PCDHAC1: variants seen among roughly 807,000 people sequenced by gnomAD.
PCDHAC1 encodes protocadherin alpha-C1.
PCDHAC1 carries 42 observed loss-of-function variants against 60.0 expected under a neutral mutation model. That is an observed-to-expected ratio of 0.70 (90% CI 0.55 to 0.90). The LOEUF is 0.90. Among genes scored for constraint, PCDHAC1 ranks in the 40% least tolerant of loss-of-function variants. The pLI is 0.00. For missense variants in PCDHAC1, 1,160 were observed against 1,222.3 expected (o/e 0.95, Z 0.76); for synonymous variants, 468 against 499.3 (o/e 0.94, Z 0.84).
At chr5:140,971,369 T>C (rs1384716266) in intron 1 of PCDHAC1, among the ~76,000 whole-genome samples, 1 of 152,094 alleles carries the variant, frequency 6.6e-6, no homozygotes, top group Non-Finnish European at 1.5e-5. Context: ...GCCAGGAGAG[T>C]GCATGACTTT....
intron 3 of PCDHAC1, among the ~76,000 whole-genome samples, chr5:141,008,339 C>T (rs782805145): frequency 1.1e-4 from 16 of 152,176 alleles, no homozygotes; most frequent in Non-Finnish European, 1.5e-4. Context: ...TTTGATGGAG[C>T]TTTTCACGTG....
At chr5:140,975,543 T>C (rs1276340507) in intron 1 of PCDHAC1, among the ~76,000 whole-genome samples, 2 of 152,206 alleles carry the variant, frequency 1.3e-5, no homozygotes, top group African/African-American at 4.8e-5. Context: ...AATACAGTCC[T>C]ATTAGGAAGG....
chr5:141,007,377 AC>A lies in PCDHAC1; in HGVS notation c.2582-2248del, dbSNP rs1563708435. Among the ~76,000 whole-genome samples, 4 of 136,616 alleles carry A rather than the reference AC, an allele frequency of 2.9e-5. No individual in the cohort carries two copies. The East Asian group carries it at 8.7e-4, about 30-fold the overall frequency. The allele number at this position is 136,616 out of a possible 152,430, so 89.6% of individuals were successfully genotyped here. ...ACCAGCCTGGGCAACATGATGGAAC[AC>A]CATCTCTACTAAAATACAAAAAAAA... On this transcript the variant is annotated intron_variant, in intron 3 of 3. Transcript: ENST00000253807.
intron 1 of PCDHAC1, among the ~76,000 whole-genome samples, chr5:140,978,316 A>AC (rs1370469532): frequency 5.4e-4 from 83 of 152,358 alleles, no homozygotes; most frequent in African/African-American, 1.9e-3. Context: ...AGGAGCAGGA[A>AC]CAAGTACAAG....
At position 140,926,584 on chromosome 5, in the gene PCDHAC1, C is replaced by T; in HGVS notation, c.-309C>T. 3.5e-6 allele frequency: 1 copy of T among 285,400 alleles called. No individual in the cohort carries two copies. The highest frequency in any genetic ancestry group is 6.4e-6 in the Non-Finnish European group (1 of 155,402). 17.7% of individuals were successfully genotyped at this position (285,400 alleles called of 1,614,324 possible). ...CTGCTACTGGAGACAGCACCTCTCG[C>T]GCCCGGGCGGGCGGCCTCGTCTCTG... On this transcript the variant is annotated 5_prime_UTR_variant, in exon 1 of 4. Coordinates refer to ENST00000253807, the MANE Select transcript of PCDHAC1 (RefSeq NM_018898.5).
chr5:140,986,461 C>T (rs1554248079), intron 3 of PCDHAC1, among the ~76,000 whole-genome samples: 1 of 152,154 alleles, frequency 6.6e-6, no homozygotes. Context: ...TTAATGAATG[C>T]CCTCTTGTGA....
intron 1 of PCDHAC1, among the ~76,000 whole-genome samples, chr5:140,955,016 T>C (rs1389069329): frequency 6.6e-6 from 1 of 152,226 alleles, no homozygotes; most frequent in Admixed American, 6.5e-5. Context: ...CCCAGCACCA[T>C]TTATTAAATA....
chr5:140,942,497 G>A (rs189402882), intron 1 of PCDHAC1, among the ~76,000 whole-genome samples: 1 of 152,040 alleles, frequency 6.6e-6, no homozygotes, highest in Admixed American at 6.6e-5. Context: ...TAAATACATG[G>A]TATCTAGGAA....
At chr5:140,931,246 C>A (rs2087398062) in intron 1 of PCDHAC1, among the ~76,000 whole-genome samples, 1 of 152,114 alleles carries the variant, frequency 6.6e-6, no homozygotes, top group East Asian at 1.9e-4. Flanking sequence ...ACTTTTCCTA[C>A]CAAGAAATTT....
chr5:140,968,782 C>T (rs1256152245), intron 1 of PCDHAC1: 43 of 1,614,072 alleles, frequency 2.7e-5, no homozygotes, highest in African/African-American at 8.0e-5. Flanking sequence ...CACTATCAGC[C>T]TCTGTGGCCA....
chr5:140,958,116 T>G (rs2095410051), intron 1 of PCDHAC1, among the ~76,000 whole-genome samples: 1 of 152,060 alleles, frequency 6.6e-6, no homozygotes, highest in African/African-American at 2.4e-5. Context: ...TGGTTCCATT[T>G]TGTAAAATGT....
intron 3 of PCDHAC1, among the ~76,000 whole-genome samples, chr5:141,007,519 T>A (rs1554261363): frequency 6.6e-6 from 1 of 151,934 alleles, no homozygotes; most frequent in African/African-American, 2.4e-5. Context: ...AGTGAGCTGA[T>A]ATCTCGCCAC....
intron 1 of PCDHAC1, chr5:140,968,057 C>T (rs781959040): frequency 1.5e-5 from 24 of 1,613,992 alleles, no homozygotes; most frequent in East Asian, 6.7e-5. Context: ...GGACCGAGAG[C>T]GGGTGGCTGT....
chr5:140,969,403 G>C, intron 1 of PCDHAC1: 1 of 1,579,282 alleles, frequency 6.3e-7, no homozygotes, highest in Non-Finnish European at 8.6e-7. Context: ...CCTGTGATTT[G>C]GCTTTATTGA....
chr5:141,008,999 G>A (rs1389698923), intron 3 of PCDHAC1, among the ~76,000 whole-genome samples: 1 of 152,200 alleles, frequency 6.6e-6, no homozygotes, highest in African/African-American at 2.4e-5. Context: ...ACTAAAAGGA[G>A]CATATTTTGC....
Position 140,927,540 on chromosome 5 carries a change from C to T in PCDHAC1, c.648C>T (p.Asp216=), listed in dbSNP as rs1376391756. Residue 216 remains aspartate (D), a synonymous_variant, in exon 1 of 4, where the codon GAC becomes GAT. Transcript: ENST00000253807. ...GCGGGCTACCTGCCCGCTCAGGAGA[C>T]GCACAAGTCACCATCATTGTGGTGG... is the stretch of plus-strand genomic sequence containing the variant. ...RDGGLPARSG[D]AQVTIIVVDT... is the part of the protein sequence containing the mutation. 6 of 1,614,136 alleles carry T rather than the reference C, an allele frequency of 3.7e-6. No homozygotes were observed. Among genetic ancestry groups the T allele is most frequent in the African/African-American group, 2.7e-5 (2 of 75,068 alleles).
At chr5:140,996,755 C>T (rs1335663800) in intron 3 of PCDHAC1, among the ~76,000 whole-genome samples, 2 of 152,142 alleles carry the variant, frequency 1.3e-5, no homozygotes, top group Non-Finnish European at 2.9e-5. Context: ...TATATCTGTG[C>T]AGGACTAAAA....
chr5:140,927,632 C>G lies in PCDHAC1; in HGVS notation c.740C>G (p.Pro247Arg), dbSNP rs2084445013. 1.2e-6 allele frequency: 2 copies of G among 1,614,142 alleles called. No individual in the cohort carries two copies. The highest frequency in any genetic ancestry group is 1.7e-6 in the Non-Finnish European group (2 of 1,180,024). ...CGCACCAAGGTTCCAGAGACTGCAC[C>G]CAATGGGACTGTGTTATTCCGAGTT... is the stretch of plus-strand genomic sequence containing the variant. ...VYRTKVPETA[P>R]NGTVLFRVQA... is the part of the protein sequence containing the mutation. The change falls in exon 1 of 4, where the codon CCC becomes CGC. Residue 247 changes from proline to arginine, a missense_variant. Pro to Arg is a moderately radical substitution (Grantham distance 103). Around this residue, in one of 3 missense-constraint regions of PCDHAC1, gnomAD observed 1,113 missense variants for 1,163.7 expected, o/e 0.96. Coordinates refer to ENST00000253807, the MANE Select transcript of PCDHAC1 (RefSeq NM_018898.5).
chr5:140,962,852 T>G (rs2095713840), intron 1 of PCDHAC1, among the ~76,000 whole-genome samples: 2 of 152,216 alleles, frequency 1.3e-5, no homozygotes, highest in Admixed American at 1.3e-4. Context: ...TAACTTGTGC[T>G]CGGTTTGTAG....
Sources: allele counts gnomAD v4.1 joint callset (sites outside exome capture counted in the v4.1 genomes callset), GRCh38; gene constraint gnomAD v4.1.1; regional missense constraint gnomAD v4.1.1; transcripts MANE v1.5; gene names NCBI Gene and HGNC (gene_info 2026-07-23, HGNC 2026-07-21).